The following CTNNA2 variants were observed in gnomAD, a reference collection of about 807,000 sequenced individuals.
The protein encoded by CTNNA2 is catenin alpha 2.
Under a neutral mutation model 101.0 loss-of-function variants are expected in CTNNA2, and 42 were observed. That is an observed-to-expected ratio of 0.42 (90% CI 0.32 to 0.54). CTNNA2 has a LOEUF of 0.54. Among genes scored for constraint, CTNNA2 ranks in the 20% least tolerant of loss-of-function variants. CTNNA2 has a pLI of 0.14. For synonymous variants in CTNNA2, 450 were observed against 456.4 expected, an observed-to-expected ratio of 0.99 and a Z score of 0.18; for missense variants, 871 against 1,223.1, an observed-to-expected ratio of 0.71 and a Z score of 4.29.
chr2:80,608,610 T>TG (rs1334954181), intron 17 of CTNNA2: 1 of 228,428 alleles, frequency 4.4e-6, no homozygotes, highest in Admixed American at 5.1e-5. Context: ...TGTAATTATT[T>TG]GGGGCTTTTG....
rs151143094 is a variant in CTNNA2, at chr2:79,882,597, A to G, written c.852+8255A>G. ...GAAAAGCATGGCCTGGAGCTATAGA[A>G]ATGGATGTCACCCTTACCCCTCCCA... is the stretch of plus-strand genomic sequence containing the variant. On this transcript the variant is annotated intron_variant, in intron 6 of 18. Coordinates refer to ENST00000402739, the MANE Select transcript of CTNNA2 (RefSeq NM_001282597.3). Among the ~76,000 whole-genome samples, 670 of 152,320 alleles carry G rather than the reference A, an allele frequency of 4.4e-3. 4 individuals carry two copies. The highest frequency in any genetic ancestry group is 0.015 in the African/African-American group (639 of 41,576).
At chr2:79,239,700 G>T (rs1217602894) in intron 2 of CTNNA2, among the ~76,000 whole-genome samples, 1 of 152,088 alleles carries the variant, frequency 6.6e-6, no homozygotes, top group African/African-American at 2.4e-5. Flanking sequence ...TGACAAACGG[G>T]ATCTAATTAA....
rs745429037 is a variant in CTNNA2 at position 79,328,701 on chromosome 2, G to A, written c.-318+15905G>A. Among the ~76,000 whole-genome samples the A allele has an allele frequency of 1.1e-4, 16 of 152,108 alleles. 1 individual carries two copies. Among genetic ancestry groups the A allele is most frequent in the Non-Finnish European group, 2.4e-4 (16 of 68,024 alleles). Reference sequence around the variant, plus strand: ...GAAGATATAAAAGGGAGAAGAGGTTGGAAAGAAAGTCCTATTACAATGGGC... The same window carrying A: ...GAAGATATAAAAGGGAGAAGAGGTTAGAAAGAAAGTCCTATTACAATGGGC... On this transcript the variant is annotated intron_variant, in intron 3 of 21. Transcript: ENST00000466387.
chr2:80,299,074 C>A (rs1676013376), intron 7 of CTNNA2: 1 of 152,056 alleles, frequency 6.6e-6, no homozygotes, highest in South Asian at 2.1e-4. Context: ...GAAGGTACTG[C>A]AAATGGAGGG....
chr2:79,884,511 G>A (rs1683690784), intron 6 of CTNNA2, among the ~76,000 whole-genome samples: 1 of 152,024 alleles, frequency 6.6e-6, no homozygotes, highest in South Asian at 2.1e-4. Context: ...GCTTTGGAAG[G>A]GAGCACATTA....
intron 4 of CTNNA2, among the ~76,000 whole-genome samples, chr2:79,496,469 C>T (rs1671256831): frequency 6.6e-6 from 1 of 152,020 alleles, no homozygotes; most frequent in Admixed American, 6.6e-5. Flanking sequence ...AGACAAAATA[C>T]TTTCAATGGT....
intron 2 of CTNNA2, among the ~76,000 whole-genome samples, chr2:79,743,602 A>G (rs1336492223): frequency 6.6e-6 from 1 of 150,932 alleles, no homozygotes; most frequent in Non-Finnish European, 1.5e-5. Context: ...GGCACGATCT[A>G]GATTAACTGC....
At chr2:80,061,280 T>C (rs1290854078) in intron 7 of CTNNA2, among the ~76,000 whole-genome samples, 1 of 152,178 alleles carries the variant, frequency 6.6e-6, no homozygotes, top group Non-Finnish European at 1.5e-5. Context: ...GCATGCGTTA[T>C]GTTCCTGATT....
intron 3 of CTNNA2, among the ~76,000 whole-genome samples, chr2:79,766,836 A>G (rs1335044586): frequency 6.6e-6 from 1 of 151,368 alleles, no homozygotes; most frequent in Non-Finnish European, 1.5e-5. Context: ...GCTCACCGCA[A>G]CCTCCACCTC....
chr2:79,740,086 T>G, intron 2 of CTNNA2, among the ~76,000 whole-genome samples: 1 of 152,178 alleles, frequency 6.6e-6, no homozygotes, highest in East Asian at 1.9e-4. Flanking sequence ...TGAAGGGGGT[T>G]TGTGGTACAG....
chr2:79,445,635 TATTA>T (rs1678824486), intron 4 of CTNNA2, among the ~76,000 whole-genome samples: 2 of 152,164 alleles, frequency 1.3e-5, no homozygotes, highest in African/African-American at 4.8e-5. Context: ...GGTTCTAAGC[TATTA>T]ATTGTGGGAT....
chr2:80,322,602 G>C (rs958173204), intron 7 of CTNNA2, among the ~76,000 whole-genome samples: 17 of 151,634 alleles, frequency 1.1e-4, no homozygotes, highest in Non-Finnish European at 2.1e-4. Context: ...CGCCAGCCTG[G>C]CCCCGGCGCA....
At chr2:80,363,964 A>G (rs970676719) in intron 7 of CTNNA2, among the ~76,000 whole-genome samples, 2 of 152,096 alleles carry the variant, frequency 1.3e-5, no homozygotes, top group African/African-American at 4.8e-5. Flanking sequence ...CTTGCATGCA[A>G]CGGGAGTGGT....
chr2:79,710,559 C>A (rs942654484), intron 2 of CTNNA2, among the ~76,000 whole-genome samples: 1 of 152,152 alleles, frequency 6.6e-6, no homozygotes, highest in Non-Finnish European at 1.5e-5. Context: ...ACACGTTATA[C>A]CTGGTGAGAA....
intron 4 of CTNNA2, among the ~76,000 whole-genome samples, chr2:79,405,056 A>G (rs1022807318): frequency 2.0e-5 from 3 of 152,052 alleles, no homozygotes; most frequent in Admixed American, 1.3e-4. Context: ...AGATGAAGGA[A>G]TTTTTCAGAT....
chr2:80,603,866 G>C, intron 15 of CTNNA2: 1 of 533,174 alleles, frequency 1.9e-6, no homozygotes, highest in Non-Finnish European at 3.3e-6. Context: ...GATAAAATGT[G>C]AACATGCACA....
intron 7 of CTNNA2, among the ~76,000 whole-genome samples, chr2:80,245,322 T>C (rs9677794): frequency 0.13 from 19,800 of 152,222 alleles, 3,123 homozygotes; most frequent in African/African-American, 0.38. Context: ...CCTAATCATT[T>C]GTTTTACTAG....
intron 7 of CTNNA2, among the ~76,000 whole-genome samples, chr2:79,962,454 A>C (rs1398631739): frequency 6.6e-6 from 1 of 152,256 alleles, no homozygotes; most frequent in Admixed American, 6.5e-5. Flanking sequence ...GGATACGAAC[A>C]TTCAGACCAT....
At chr2:79,548,612 C>T (rs963501904) in intron 1 of CTNNA2, among the ~76,000 whole-genome samples, 4 of 152,190 alleles carry the variant, frequency 2.6e-5, no homozygotes, top group African/African-American at 9.7e-5. Flanking sequence ...TCTCATAGTA[C>T]TAATGCATCA....
Sources: allele counts gnomAD v4.1 joint callset (sites outside exome capture counted in the v4.1 genomes callset), GRCh38; gene constraint gnomAD v4.1.1; transcripts MANE v1.5; gene names NCBI Gene and HGNC (gene_info 2026-07-23, HGNC 2026-07-21).